The following ZFHX3 variants were observed in gnomAD, a reference collection of about 807,000 sequenced individuals.
The protein encoded by ZFHX3 is zinc finger homeobox protein 3.
A neutral mutation model predicts 279.1 loss-of-function variants in ZFHX3; 42 were observed. The ratio of observed to expected loss-of-function variants is 0.15; its 90% CI spans 0.12 to 0.19. The LOEUF is 0.19. Among genes scored for constraint, ZFHX3 ranks in the 10% least tolerant of loss-of-function variants. The pLI is 1.00. For missense variants in ZFHX3, 4,981 were observed against 4,754.0 expected, an observed-to-expected ratio of 1.05 and a Z score of -1.40; for synonymous variants, 2,293 against 1,957.8, an observed-to-expected ratio of 1.17 and a Z score of -4.52.
At chr16:73,092,525 GA>G in intron 8 of ZFHX3, 1 of 161,364 alleles carries the variant, frequency 6.2e-6, no homozygotes, top group Non-Finnish European at 1.4e-5. Flanking sequence ...CTGCAAACAG[GA>G]AAAGGAAAGA....
intron 2 of ZFHX3, among the ~76,000 whole-genome samples, chr16:73,606,478 C>CTT (rs1301981192): frequency 1.1e-5 from 1 of 94,964 alleles, no homozygotes; most frequent in Admixed American, 1.2e-4. Context: ...AAGAGTGAGA[C>CTT]TTTGTCTCAA....
chr16:73,717,838 G>A (rs931002896), intron 1 of ZFHX3, among the ~76,000 whole-genome samples: 2 of 152,146 alleles, frequency 1.3e-5, no homozygotes, highest in African/African-American at 4.8e-5. Context: ...GGCGGACATT[G>A]TGCAGTTCCA....
At chr16:73,105,743 C>T (rs1966296002) in intron 7 of ZFHX3, among the ~76,000 whole-genome samples, 1 of 151,910 alleles carries the variant, frequency 6.6e-6, no homozygotes, top group South Asian at 2.1e-4. Flanking sequence ...AGAGAGTGAG[C>T]CTCTGTCTCA....
At chr16:73,417,709 G>A (rs1030485825) in intron 3 of ZFHX3, among the ~76,000 whole-genome samples, 1 of 151,750 alleles carries the variant, frequency 6.6e-6, no homozygotes, top group Non-Finnish European at 1.5e-5. Context: ...GCTCACGCCT[G>A]TAATCCCAGT....
At position 73,406,009 on chromosome 16, in the gene ZFHX3, T is replaced by C. The variant is rs181731889; in HGVS notation, c.-1291+49994A>G. ...GTGTGGTTTCCAAGCAGCATCAGCG[T>C]AGATGCCCGTAGGGGCACACGCCGG... On this transcript the variant is annotated intron_variant, in intron 3 of 17. Coordinates refer to the ZFHX3 transcript ENST00000641206. 5.6e-4 allele frequency among the ~76,000 whole-genome samples: 86 copies of C among 152,364 alleles called. 3 individuals are homozygous for C. The East Asian group carries it at 0.016, about 28-fold the overall frequency.
chr16:73,547,157 C>T (rs2020130255), intron 2 of ZFHX3, among the ~76,000 whole-genome samples: 1 of 152,030 alleles, frequency 6.6e-6, no homozygotes, highest in South Asian at 2.1e-4. Context: ...TGTAAAAATG[C>T]AATGATGTTC....
chr16:73,751,917 C>T (rs376253115), intron 1 of ZFHX3, among the ~76,000 whole-genome samples: 1 of 152,144 alleles, frequency 6.6e-6, no homozygotes, highest in Non-Finnish European at 1.5e-5. Flanking sequence ...GAATCTACAG[C>T]CTGGTCTTAT....
chr16:73,734,544 T>TA (rs1024511547), intron 1 of ZFHX3, among the ~76,000 whole-genome samples: 1 of 152,048 alleles, frequency 6.6e-6, no homozygotes, highest in Non-Finnish European at 1.5e-5. Context: ...TAGTACAATA[T>TA]AAAAAAACAG....
At chr16:73,730,555 A>C (rs1401733249) in intron 1 of ZFHX3, among the ~76,000 whole-genome samples, 1 of 152,126 alleles carries the variant, frequency 6.6e-6, no homozygotes, top group Non-Finnish European at 1.5e-5. Context: ...GTACCCGGAG[A>C]CATCTAAATT....
intron 2 of ZFHX3, among the ~76,000 whole-genome samples, chr16:73,573,482 A>G (rs746855153): frequency 2.6e-5 from 4 of 152,230 alleles, no homozygotes; most frequent in Non-Finnish European, 5.9e-5. Flanking sequence ...AGAGGACGGA[A>G]CTAGCATATG....
chr16:72,883,829 C>T (rs1157333852), intron 4 of ZFHX3, among the ~76,000 whole-genome samples: 2 of 152,140 alleles, frequency 1.3e-5, no homozygotes, highest in Non-Finnish European at 2.9e-5. Flanking sequence ...TTTAACTTCT[C>T]TAGTTAAAAA....
At chr16:73,891,731 T>C (rs200841790) in exon 1 of ZFHX3, 2 of 143,442 alleles carry the variant, frequency 1.4e-5, no homozygotes, top group East Asian at 4.1e-4. Flanking sequence ...TCCTTCAGGG[T>C]TTTTAGTTCT....
At position 73,787,847 on chromosome 16, in the gene ZFHX3, G is replaced by A. The variant is rs1245121268; in HGVS notation, c.-1608+103804C>T. ...TGTGTGTGTGTGTGTGTGTGTGTGT[G>A]TGTGTGAAAGAGAGAGAGAGAGAGA... is the stretch of plus-strand genomic sequence containing the variant. On this transcript the variant is annotated intron_variant, in intron 1 of 17. Coordinates refer to the ZFHX3 transcript ENST00000641206. 2.0e-5 allele frequency among the ~76,000 whole-genome samples: 3 copies of A among 150,572 alleles called. No homozygotes were observed. In the East Asian group the frequency reaches 5.9e-4, roughly 30 times the overall value.
chr16:73,756,547 G>A (rs530873586), intron 1 of ZFHX3, among the ~76,000 whole-genome samples: 107 of 151,606 alleles, frequency 7.1e-4, no homozygotes, highest in African/African-American at 2.4e-3. Context: ...TCCTCCTCCC[G>A]CCCTTCACTG....
At chr16:73,674,767 A>G (rs2052937564) in intron 2 of ZFHX3, among the ~76,000 whole-genome samples, 1 of 152,192 alleles carries the variant, frequency 6.6e-6, no homozygotes, top group South Asian at 2.1e-4. Flanking sequence ...TTGCTGCTTT[A>G]GAAACCCTCA....
intron 6 of ZFHX3, among the ~76,000 whole-genome samples, chr16:73,139,406 G>A (rs1333546152): frequency 6.6e-6 from 1 of 152,180 alleles, no homozygotes; most frequent in East Asian, 1.9e-4. Context: ...GTTTACTTCT[G>A]GGTGGTGGAA....
intron 3 of ZFHX3, among the ~76,000 whole-genome samples, chr16:72,938,530 A>T (rs931493842): frequency 6.6e-6 from 1 of 152,206 alleles, no homozygotes; most frequent in Non-Finnish European, 1.5e-5. Context: ...AGGGAGAGGG[A>T]GTTTCTGGAG....
At chr16:73,712,181 G>C (rs978224767) in intron 1 of ZFHX3, among the ~76,000 whole-genome samples, 1 of 152,094 alleles carries the variant, frequency 6.6e-6, no homozygotes, top group South Asian at 2.1e-4. Flanking sequence ...TCGCCACCAA[G>C]TTTGTGAGGT....
chr16:73,183,159 C>T (rs1047351665), intron 5 of ZFHX3, among the ~76,000 whole-genome samples: 3 of 152,092 alleles, frequency 2.0e-5, no homozygotes, highest in African/African-American at 7.2e-5. Flanking sequence ...GAGCCAAGAT[C>T]GTGCCACTGC....
Sources: gnomAD v4.1 joint callset for allele counts (sites outside exome capture counted in the v4.1 genomes callset) on GRCh38, gnomAD v4.1.1 for gene constraint, MANE v1.5 for transcripts, NCBI Gene and HGNC (gene_info 2026-07-23, HGNC 2026-07-21) for gene names.